The following AUNIP variants were observed in gnomAD, a reference collection of about 807,000 sequenced individuals.
AUNIP encodes aurora kinase A- and ninein-interacting protein.
A neutral mutation model predicts 12.2 loss-of-function variants in AUNIP; 16 were observed. The observed-to-expected ratio is 1.31, with a 90% CI of 0.88 to 1.99. The LOEUF (loss-of-function observed/expected upper bound fraction) is 1.99, where lower values mean the gene tolerates loss of function less well. AUNIP is among the 30% of genes most tolerant of loss of function. AUNIP has a pLI of 0.00. For missense variants in AUNIP, 411 were observed against 419.1 expected (o/e 0.98, Z 0.17); for synonymous variants, 142 against 154.8 (o/e 0.92, Z 0.61).
intron 1 of AUNIP, among the ~76,000 whole-genome samples, chr1:25,859,054 C>A (rs1447316930): frequency 1.3e-5 from 2 of 152,102 alleles, no homozygotes; most frequent in African/African-American, 2.4e-5. Context: ...CTCCTCCAGA[C>A]CCCCCAACAG....
intron 1 of AUNIP, among the ~76,000 whole-genome samples, chr1:25,857,011 G>A (rs1231619956): frequency 6.6e-6 from 1 of 152,084 alleles, no homozygotes; most frequent in Admixed American, 6.6e-5. Flanking sequence ...AGCTACTCGG[G>A]AGGATGAGGC....
Position 25,847,411 on chromosome 1 carries a change from G to A in AUNIP, c.79-9857C>T, listed in dbSNP as rs569574459. On this transcript the variant is annotated intron_variant, in intron 1 of 2. Transcript: ENST00000374298. The surrounding 1 kb of genome is among the most constrained non-coding windows in gnomAD (Gnocchi z 4.2). ...CGTGTAGCTGGGATTACAGGCATGCGCCACGATGCCAGCTAAATTTTTTTT... is the reference window on the plus strand; with the variant it reads ...CGTGTAGCTGGGATTACAGGCATGCACCACGATGCCAGCTAAATTTTTTTT... Among the ~76,000 whole-genome samples the A allele has an allele frequency of 1.3e-5, 2 of 152,064 alleles. No individual in the cohort carries two copies. Among genetic ancestry groups the A allele is most frequent in the South Asian group, 2.1e-4 (1 of 4,812 alleles).
At chr1:25,842,211 A>G (rs2048351797) in intron 1 of AUNIP, among the ~76,000 whole-genome samples, 1 of 152,268 alleles carries the variant, frequency 6.6e-6, no homozygotes, top group African/African-American at 2.4e-5. Context: ...CTCCAGTGAA[A>G]ACACAAATAA....
Position 25,835,306 on chromosome 1 carries a change from C to G in AUNIP, c.761G>C (p.Trp254Ser), listed in dbSNP as rs776655656. 9.9e-6 allele frequency: 16 copies of G among 1,614,110 alleles called. No homozygotes were observed. The highest frequency in any genetic ancestry group is 6.7e-5 in the Admixed American group (4 of 60,006). ...PVLLQTYRES[W>S]NGENIESVKQ... ...CACTGATTCTATGTTTTCTCCATTC[C>G]AGGATTCCCTGTATGTTTGAAGGAG... The change falls in exon 3 of 3, where the codon TGG (tryptophan) becomes TCG (serine). Residue 254 changes from tryptophan (W) to serine (S), a missense_variant. Coordinates refer to ENST00000374298, the MANE Select transcript of AUNIP (RefSeq NM_024037.3).
chr1:25,836,769 A>G (rs760817443), intron 2 of AUNIP, among the ~76,000 whole-genome samples: 6 of 152,096 alleles, frequency 3.9e-5, no homozygotes, highest in Non-Finnish European at 8.8e-5. Context: ...AAAAGAGTGT[A>G]CGTTTTTGTT....
Position 25,837,444 on chromosome 1 carries a change from TCTCTGGTGAATGCCTGTAGATGGAG to T in AUNIP, c.164_188del (p.Ala55GlufsTer41). ...GCAAGGTGAAGAAGGAAGCAATGCT[TCTCTGGTGAATGCCTGTAGATGGAG>T]CTCTTCTTTGAGTAAAATAAATATT... On this transcript the variant is annotated frameshift_variant, in exon 2 of 3. Coordinates refer to ENST00000374298, the MANE Select transcript of AUNIP (RefSeq NM_024037.3). LOFTEE classifies it low-confidence loss of function (END_TRUNC). 1.2e-6 allele frequency: 2 copies of T among 1,614,064 alleles called. No individual in the cohort carries two copies. Among genetic ancestry groups the T allele is most frequent in the East Asian group, 4.5e-5 (2 of 44,872 alleles).
Position 25,859,350 on chromosome 1 carries a change from C to T in AUNIP, c.8G>A (p.Arg3Gln), listed in dbSNP as rs2048488310. 6.5e-7 allele frequency: 1 copy of T among 1,540,274 alleles called. No homozygotes were observed. The highest frequency in any genetic ancestry group is 8.7e-7 in the Non-Finnish European group (1 of 1,146,238). MR[R>Q]TGPEEEACGV... ...GCAGGCCTCCTCCTCGGGGCCTGTC[C>T]GCCTCATGGCCGCTGAGGAGACGAA... Residue 3 changes from arginine (R) to glutamine (Q), a missense_variant, in exon 1 of 3, where the codon CGG (arginine) becomes CAG (glutamine). By Grantham distance (43) the Arg-to-Gln change is conservative. Transcript: ENST00000374298.
intron 1 of AUNIP, among the ~76,000 whole-genome samples, chr1:25,852,322 G>A (rs1269648916): frequency 6.6e-6 from 1 of 151,854 alleles, no homozygotes; most frequent in African/African-American, 2.4e-5. Context: ...AACTTTTGAT[G>A]TTGATTGTTT....
chr1:25,848,993 A>G (rs1003279119), intron 1 of AUNIP, among the ~76,000 whole-genome samples: 2 of 152,212 alleles, frequency 1.3e-5, no homozygotes, highest in African/African-American at 4.8e-5. Flanking sequence ...GCTTTCAGTG[A>G]CTTCTGTGAG....
At chr1:25,832,087 C>T (rs1207870244), downstream of AUNIP, 2 of 1,612,890 alleles carry the variant, frequency 1.2e-6, no homozygotes, top group Non-Finnish European at 1.7e-6. Flanking sequence ...AGCTGCCTTC[C>T]TCACCGCAGA....
At chr1:25,852,985 T>C (rs1055367012) in intron 1 of AUNIP, among the ~76,000 whole-genome samples, 7 of 152,366 alleles carry the variant, frequency 4.6e-5, no homozygotes, top group Admixed American at 4.6e-4. Context: ...CATTCCATTA[T>C]GGAGAATATA....
rs1049404765 is a variant in AUNIP, at chr1:25,840,297, G to T, written c.79-2743C>A. ...TACAGAAGAAAATAACAGTGAACCT[G>T]AAGACAATAGTAACACAAACTATAC... On this transcript the variant is annotated intron_variant, in intron 1 of 2. Transcript: ENST00000374298. 5.9e-5 allele frequency among the ~76,000 whole-genome samples: 9 copies of T among 152,004 alleles called. 1 individual carries two copies. The East Asian group carries it at 1.7e-3, about 29-fold the overall frequency.
chr1:25,833,483 A>G (rs949064519), downstream of AUNIP, among the ~76,000 whole-genome samples: 4 of 152,116 alleles, frequency 2.6e-5, no homozygotes, highest in Admixed American at 2.6e-4. Flanking sequence ...ATAAAAGTAG[A>G]ATTTAACATT....
At chr1:25,839,309 G>A (rs559084265) in intron 1 of AUNIP, among the ~76,000 whole-genome samples, 5 of 152,352 alleles carry the variant, frequency 3.3e-5, no homozygotes, top group East Asian at 3.9e-4. Context: ...AAGACCTCCA[G>A]AAGGGAGACC....
At chr1:25,855,211 T>G (rs572943554) in intron 1 of AUNIP, among the ~76,000 whole-genome samples, 3 of 152,244 alleles carry the variant, frequency 2.0e-5, no homozygotes, top group Non-Finnish European at 4.4e-5. Flanking sequence ...CACATTCTAT[T>G]CATTGGAGTC....
In AUNIP at chr1:25,858,340, ATTG is replaced by A. The variant is rs1351415731; in HGVS notation, c.78+937_78+939del. 5.9e-5 allele frequency among the ~76,000 whole-genome samples: 9 copies of A among 152,316 alleles called. No homozygotes were observed. The South Asian group carries it at 8.3e-4, about 14-fold the overall frequency. ...AGAAAGCACTCAATAAAGGTTAGGT[ATTG>A]TTGTTATTATTTATACACCTCTTTT... On this transcript the variant is annotated intron_variant, in intron 1 of 2. Transcript: ENST00000374298.
In AUNIP at chr1:25,847,710, C is replaced by G. The variant is rs2048394128; in HGVS notation, c.79-10156G>C. On this transcript the variant is annotated intron_variant, in intron 1 of 2. Coordinates refer to ENST00000374298, the MANE Select transcript of AUNIP (RefSeq NM_024037.3). The surrounding 1 kb of genome is among the most constrained non-coding windows in gnomAD (Gnocchi z 4.2). Reference sequence around the variant, plus strand: ...GTGGCTCACACCTGTAATCCCAGCACTTTGGGAGGCACATCACTTGAGCTC... The same window carrying G: ...GTGGCTCACACCTGTAATCCCAGCAGTTTGGGAGGCACATCACTTGAGCTC... 6.6e-6 allele frequency among the ~76,000 whole-genome samples: 1 copy of G among 152,110 alleles called. No homozygotes were observed. Among genetic ancestry groups the G allele is most frequent in the African/African-American group, 2.4e-5 (1 of 41,428 alleles).
chr1:25,846,392 G>A (rs995429158), intron 1 of AUNIP, among the ~76,000 whole-genome samples: 4 of 138,852 alleles, frequency 2.9e-5, no homozygotes, highest in African/African-American at 8.4e-5. Flanking sequence ...GCACTCCAGC[G>A]GGCAACAGAG....
downstream of AUNIP, chr1:25,832,241 T>A: frequency 7.4e-7 from 1 of 1,345,432 alleles, no homozygotes; most frequent in Non-Finnish European, 1.0e-6. Flanking sequence ...CCTGAGACAT[T>A]TGTTTCAGGT....
Sources: allele counts gnomAD v4.1 joint callset (sites outside exome capture counted in the v4.1 genomes callset), GRCh38; gene constraint gnomAD v4.1.1; non-coding constraint Gnocchi (gnomAD v3.1); transcripts MANE v1.5; gene names NCBI Gene and HGNC (gene_info 2026-07-23, HGNC 2026-07-21).